ARB2A: variants seen among roughly 807,000 people sequenced by gnomAD.
ARB2A encodes the protein ARB2 cotranscriptional regulator A.
chr5:93,865,172 C>T, the ARB2A span, among the ~76,000 whole-genome samples: 2 of 152,084 alleles, frequency 1.3e-5, no homozygotes, highest in Non-Finnish European at 2.9e-5. Context: ...AGCTCTGCGT[C>T]CCGGGTTCTC....
the ARB2A span, among the ~76,000 whole-genome samples, chr5:93,875,345 C>A: frequency 1.3e-5 from 2 of 152,054 alleles, no homozygotes; most frequent in Non-Finnish European, 2.9e-5. Context: ...GATTCTCCTG[C>A]CTCATCCTCC....
At chr5:94,076,845 T>C in the ARB2A span, among the ~76,000 whole-genome samples, 54 of 152,292 alleles carry the variant, frequency 3.5e-4, no homozygotes, top group African/African-American at 1.3e-3. Flanking sequence ...TTATTTTTCA[T>C]TGGCCCCAAA....
the ARB2A span, among the ~76,000 whole-genome samples, chr5:94,059,180 GAA>G: frequency 2.1e-5 from 3 of 142,836 alleles, no homozygotes; most frequent in African/African-American, 7.7e-5. Flanking sequence ...AGAACTGAGG[GAA>G]AAAAAAAAAC....
the ARB2A span, among the ~76,000 whole-genome samples, chr5:93,766,568 G>C: frequency 6.6e-5 from 10 of 152,234 alleles, no homozygotes; most frequent in Middle Eastern, 6.8e-3. Flanking sequence ...TGGAGAAATA[G>C]GAACACTTTT....
At chr5:94,081,947 G>A in the ARB2A span, among the ~76,000 whole-genome samples, 82 of 152,118 alleles carry the variant, frequency 5.4e-4, no homozygotes, top group East Asian at 0.016. Flanking sequence ...TAGACTTCAG[G>A]CAGACTCATT....
chr5:93,712,395 C>T, the ARB2A span, among the ~76,000 whole-genome samples: 2 of 152,106 alleles, frequency 1.3e-5, no homozygotes, highest in African/African-American at 4.8e-5. Flanking sequence ...GCAAATGAAT[C>T]AGAATCTACA....
the ARB2A span, among the ~76,000 whole-genome samples, chr5:93,905,436 G>C: frequency 6.6e-6 from 1 of 151,624 alleles, no homozygotes; most frequent in African/African-American, 2.4e-5. Context: ...AATTGGAAGA[G>C]GGTGAGGTGA....
the ARB2A span, among the ~76,000 whole-genome samples, chr5:93,797,356 TATTATC>T: frequency 6.6e-6 from 1 of 152,192 alleles, no homozygotes; most frequent in Non-Finnish European, 1.5e-5. Context: ...GTCTCTATTC[TATTATC>T]ATTAAGTATT....
At chr5:94,090,618 T>A in the ARB2A span, among the ~76,000 whole-genome samples, 1 of 152,224 alleles carries the variant, frequency 6.6e-6, no homozygotes. Flanking sequence ...TCAAAGGGAA[T>A]GTTTCCAGCT....
At chr5:93,719,140 T>C in the ARB2A span, among the ~76,000 whole-genome samples, 1 of 152,208 alleles carries the variant, frequency 6.6e-6, no homozygotes, top group South Asian at 2.1e-4. Context: ...ACAGGAGATT[T>C]CTCCATAACT....
At chr5:94,046,197 TGAGA>T in the ARB2A span, among the ~76,000 whole-genome samples, 540 of 119,736 alleles carry the variant, frequency 4.5e-3, 5 homozygotes, top group African/African-American at 0.016. Context: ...ACCATTTTTC[TGAGA>T]GAGAGTTTAA....
chr5:93,651,389 G>A, the ARB2A span, among the ~76,000 whole-genome samples: 1 of 152,188 alleles, frequency 6.6e-6, no homozygotes, highest in Non-Finnish European at 1.5e-5. Context: ...TTCAGCCACT[G>A]CCTCCCAAAG....
chr5:93,812,623 T>C, the ARB2A span, among the ~76,000 whole-genome samples: 34 of 152,202 alleles, frequency 2.2e-4, no homozygotes, highest in East Asian at 1.2e-3. Context: ...TTGGAGAAAA[T>C]AGAAGTTAGA....
chr5:93,635,072 C>T, the ARB2A span, among the ~76,000 whole-genome samples: 2 of 152,158 alleles, frequency 1.3e-5, no homozygotes, highest in Non-Finnish European at 2.9e-5. Flanking sequence ...CCGCACCTGG[C>T]CTTCTTTGTC....
At chr5:93,659,540 GA>G in the ARB2A span, among the ~76,000 whole-genome samples, 12 of 152,014 alleles carry the variant, frequency 7.9e-5, no homozygotes, top group Non-Finnish European at 1.8e-4. Context: ...TGATCAGACA[GA>G]AAAAAATTTG....
At chr5:93,667,400 A>G in the ARB2A span, among the ~76,000 whole-genome samples, 1 of 152,186 alleles carries the variant, frequency 6.6e-6, no homozygotes, top group Non-Finnish European at 1.5e-5. Context: ...TAGTGCCTAA[A>G]CTAGTTTTAG....
the ARB2A span, among the ~76,000 whole-genome samples, chr5:94,087,731 A>C: frequency 1.3e-5 from 2 of 152,296 alleles, no homozygotes; most frequent in Middle Eastern, 3.4e-3. Context: ...TTTTAAAAAT[A>C]TTTCATGCTA....
At chr5:93,972,468 A>G in the ARB2A span, among the ~76,000 whole-genome samples, 2 of 144,504 alleles carry the variant, frequency 1.4e-5, no homozygotes, top group Non-Finnish European at 1.5e-5. Context: ...ATAGCAAACT[A>G]AAAAAAAAAA....
chr5:94,075,756 G>A, the ARB2A span, among the ~76,000 whole-genome samples: 1 of 152,056 alleles, frequency 6.6e-6, no homozygotes, highest in Non-Finnish European at 1.5e-5. Flanking sequence ...TCAGCAGAAT[G>A]TAACAGAAAA....
Sources: gnomAD v4.1 joint callset for allele counts (sites outside exome capture counted in the v4.1 genomes callset) on GRCh38, gnomAD v4.1.1 for gene constraint, MANE v1.5 for transcripts, NCBI Gene and HGNC (gene_info 2026-07-23, HGNC 2026-07-21) for gene names.